The following SCN8A variants were observed in gnomAD, a reference collection of about 807,000 sequenced individuals.
SCN8A encodes the protein sodium voltage-gated channel alpha subunit 8, also known as sodium channel protein type 8 subunit alpha.
Under a neutral mutation model 184.1 loss-of-function variants are expected in SCN8A, and 30 were observed. The observed-to-expected ratio is 0.16, with a 90% CI of 0.12 to 0.22. The LOEUF (loss-of-function observed/expected upper bound fraction) is 0.22. Among genes scored for constraint, SCN8A ranks in the 10% least tolerant of loss-of-function variants. The pLI, the probability that SCN8A is intolerant of heterozygous loss-of-function variation, is 1.00. For synonymous variants in SCN8A, 852 were observed against 907.0 expected (o/e 0.94, Z 1.09); for missense variants, 1,057 against 2,498.9 (o/e 0.42, Z 12.30).
chr12:51,790,009 A>C (rs901808418), intron 24 of SCN8A, among the ~76,000 whole-genome samples: 2 of 152,382 alleles, frequency 1.3e-5, no homozygotes, highest in East Asian at 3.9e-4. Context: ...TAAATTGGCT[A>C]TCAGCCAGGA....
At chr12:51,625,631 G>GT (rs1274727834) in intron 1 of SCN8A, among the ~76,000 whole-genome samples, 3 of 152,026 alleles carry the variant, frequency 2.0e-5, no homozygotes, top group East Asian at 1.9e-4. Flanking sequence ...CCCCTCTTTT[G>GT]TTTTTTTGGA....
intron 26 of SCN8A, among the ~76,000 whole-genome samples, chr12:51,796,835 C>T (rs140740520): frequency 0.012 from 1,885 of 152,296 alleles, 19 homozygotes; most frequent in Middle Eastern, 0.034. Context: ...TGTTCGAGGG[C>T]AGGAAGCATC....
intron 22 of SCN8A, among the ~76,000 whole-genome samples, chr12:51,787,342 A>G (rs755550227): frequency 1.3e-5 from 2 of 152,218 alleles, no homozygotes; most frequent in Non-Finnish European, 2.9e-5. Context: ...GGATTTAACT[A>G]TCTAGATAAT....
intron 1 of SCN8A, 143 bp from the exon 2 acceptor site, chr12:51,662,621 A>T: frequency 1.7e-6 from 1 of 599,586 alleles, no homozygotes; most frequent in Non-Finnish European, 2.9e-6. Context: ...GATTTCCTGA[A>T]AAGAAAAATA....
At chr12:51,731,217 A>G (rs1336461690) in intron 12 of SCN8A, among the ~76,000 whole-genome samples, 4 of 151,912 alleles carry the variant, frequency 2.6e-5, no homozygotes, top group African/African-American at 9.7e-5. Context: ...TCTCTTTGAT[A>G]TACTGATTTC....
At chr12:51,789,484 A>ATC in intron 24 of SCN8A, 66 bp downstream of exon 24, 1 of 1,503,680 alleles carries the variant, frequency 6.7e-7, no homozygotes, top group South Asian at 1.2e-5. Context: ...CTTTGTCCCT[A>ATC]TCTCTAGAAA....
At chr12:51,772,678 A>T (rs1942944232) in intron 19 of SCN8A, among the ~76,000 whole-genome samples, 1 of 151,738 alleles carries the variant, frequency 6.6e-6, no homozygotes, top group South Asian at 2.1e-4. Flanking sequence ...TGTCCCCCCC[A>T]CTGCCTGTTG....
intron 16 of SCN8A, chr12:51,768,035 A>T (rs1219643939): frequency 2.6e-5 from 4 of 152,196 alleles, no homozygotes; most frequent in Non-Finnish European, 5.9e-5. Flanking sequence ...CTTATAGTTC[A>T]TTTATTGTTT....
intron 11 of SCN8A, among the ~76,000 whole-genome samples, chr12:51,708,518 AG>A (rs1228677577): frequency 6.6e-6 from 1 of 152,242 alleles, no homozygotes; most frequent in Non-Finnish European, 1.5e-5. Context: ...AATAGATTAT[AG>A]TTACTGTTTA....
chr12:51,771,139 T>A (rs1463716211), intron 19 of SCN8A, among the ~76,000 whole-genome samples: 2 of 152,242 alleles, frequency 1.3e-5, no homozygotes, highest in Non-Finnish European at 2.9e-5. Flanking sequence ...CACATTGTCC[T>A]AAGTGCTTAT....
intron 1 of SCN8A, among the ~76,000 whole-genome samples, chr12:51,638,105 T>C (rs1257335329): frequency 2.0e-5 from 3 of 152,186 alleles, no homozygotes; most frequent in African/African-American, 7.2e-5. Context: ...TTACTAGATA[T>C]TTTAAGCCCA....
intron 11 of SCN8A, among the ~76,000 whole-genome samples, chr12:51,719,848 G>A (rs374699827): frequency 2.2e-5 from 3 of 136,546 alleles, no homozygotes; most frequent in African/African-American, 5.4e-5. Flanking sequence ...AGGCCGAGGC[G>A]GGCGGATCAC....
intron 12 of SCN8A, among the ~76,000 whole-genome samples, chr12:51,730,567 G>T (rs911803815): frequency 2.0e-5 from 3 of 152,006 alleles, no homozygotes; most frequent in Admixed American, 1.3e-4. Flanking sequence ...TTTAATTTCA[G>T]ATTTTTGTGG....
At chr12:51,692,872 G>A (rs1292565136) in intron 6 of SCN8A, among the ~76,000 whole-genome samples, 1 of 152,228 alleles carries the variant, frequency 6.6e-6, no homozygotes, top group Non-Finnish European at 1.5e-5. Flanking sequence ...CTGGTTGAGA[G>A]AAACTCACTT....
At chr12:51,668,989 G>GTA (rs1172131099) in intron 2 of SCN8A, among the ~76,000 whole-genome samples, 1 of 152,120 alleles carries the variant, frequency 6.6e-6, no homozygotes, top group Admixed American at 6.5e-5. Flanking sequence ...AGGCTATATG[G>GTA]TATAGCCTAT....
At chr12:51,705,132 CTTTT>C (rs963873292) in intron 9 of SCN8A, among the ~76,000 whole-genome samples, 1 of 152,062 alleles carries the variant, frequency 6.6e-6, no homozygotes, top group African/African-American at 2.4e-5. Flanking sequence ...CAAAATCAAA[CTTTT>C]TTTATGAAAG....
At chr12:51,694,680 A>T (rs1195966601) in intron 6 of SCN8A, among the ~76,000 whole-genome samples, 1 of 152,214 alleles carries the variant, frequency 6.6e-6, no homozygotes, top group African/African-American at 2.4e-5. Context: ...TTCAGTCAGT[A>T]TCTTGCTTGT....
intron 1 of SCN8A, among the ~76,000 whole-genome samples, chr12:51,607,555 T>G (rs953045106): frequency 3.9e-5 from 6 of 152,206 alleles, no homozygotes; most frequent in Non-Finnish European, 8.8e-5. Context: ...AGTATTGTGT[T>G]GGCTGTCAGT....
At chr12:51,696,003 G>A (rs1941586743) in intron 6 of SCN8A, among the ~76,000 whole-genome samples, 1 of 152,172 alleles carries the variant, frequency 6.6e-6, no homozygotes, top group Admixed American at 6.5e-5. Context: ...AGGAAAATCA[G>A]ATTCTACTCA....
Sources: allele counts gnomAD v4.1 joint callset (sites outside exome capture counted in the v4.1 genomes callset), GRCh38; gene constraint gnomAD v4.1.1; transcripts MANE v1.5; gene names NCBI Gene and HGNC (gene_info 2026-07-23, HGNC 2026-07-21).